The following ALAS2 variants were observed in gnomAD, a reference collection of about 807,000 sequenced individuals.
ALAS2 encodes 5-aminolevulinate synthase, erythroid-specific, mitochondrial.
ALAS2 carries 3 observed loss-of-function variants against 33.7 expected under a neutral mutation model. The ratio of observed to expected loss-of-function variants is 0.09; its 90% CI spans 0.04 to 0.23. The LOEUF (loss-of-function observed/expected upper bound fraction) is 0.23. Ranked by LOEUF, ALAS2 falls within the 10% of genes least tolerant of loss-of-function variation. The probability of loss-of-function intolerance (pLI) is 1.00; values close to 1 mark genes in which losing one functional copy is unlikely to be tolerated. For missense variants in ALAS2, 304 were observed against 475.1 expected (o/e 0.64, Z 3.35); for synonymous variants, 191 against 177.3 (o/e 1.08, Z -0.61).
At chrX:55,015,806 G>A (rs1935689021) in intron 7 of ALAS2, 64 bp from the exon 8 acceptor site, 1 of 1,153,976 alleles carries the variant, frequency 8.7e-7, no homozygotes, top group Non-Finnish European at 1.2e-6. Context: ...TCTCCAATGT[G>A]GAATTTCCCA....
intron 4 of ALAS2, among the ~76,000 whole-genome samples, chrX:55,022,499 CAATT>C (rs970369750): frequency 1.8e-5 from 2 of 111,678 alleles, no homozygotes; most frequent in African/African-American, 3.3e-5. Flanking sequence ...TTTCACCTAT[CAATT>C]GATAAAGATT....
intron 6 of ALAS2, among the ~76,000 whole-genome samples, chrX:55,019,402 G>C (rs1442625029): frequency 9.0e-6 from 1 of 111,580 alleles, no homozygotes; most frequent in Non-Finnish European, 1.9e-5. Context: ...TTGTGGCTGG[G>C]AGTCAAGGAC....
At position 55,015,638 on chromosome X, in the gene ALAS2, C is replaced by T; in HGVS notation, c.1108G>A (p.Ala370Thr). The T allele has an allele frequency of 1.7e-6, 2 of 1,211,322 alleles. No homozygotes were observed. The highest frequency in any genetic ancestry group is 2.2e-5 in the Admixed American group (1 of 46,007). Reference protein sequence around the residue: ...HAVGLYGSRGAGIGERDGIMH... With the variant: ...HAVGLYGSRGTGIGERDGIMH... ...ATTCCATCACGCTCCCCAATCCCAG[C>T]GCCCCGGGACCCATACAGTCCTACA... The change falls in exon 8 of 11, where the codon GCT becomes ACT. Residue 370 changes from alanine to threonine, a missense_variant. This residue lies in a region of ALAS2 where 138 missense variants were observed against 265.3 expected (regional missense o/e 0.52). Coordinates refer to ENST00000650242, the MANE Select transcript of ALAS2 (RefSeq NM_000032.5).
Position 55,015,656 on chromosome X carries a change from G to A in ALAS2, c.1090C>T (p.Leu364=). 1.7e-6 allele frequency: 2 copies of A among 1,211,396 alleles called. No homozygotes were observed. Among genetic ancestry groups the A allele is most frequent in the Non-Finnish European group, 2.2e-6 (2 of 895,309 alleles). The part of the protein sequence containing the change: ...TFVDEVHAVG[L]YGSRGAGIGE... ...ATCCCAGCGCCCCGGGACCCATACA[G>A]TCCTACAGCATGGACCTCATCCACG... The change falls in exon 8 of 11, where the codon CTG becomes TTG. Residue 364 remains leucine, a synonymous_variant. Coordinates refer to ENST00000650242, the MANE Select transcript of ALAS2 (RefSeq NM_000032.5).
At chrX:55,027,738 AC>A in intron 1 of ALAS2, 4 of 1,208,701 alleles carry the variant, frequency 3.3e-6, no homozygotes, top group Non-Finnish European at 4.5e-6. Flanking sequence ...TAGAACAAGC[AC>A]CCTCCCCGTA....
In ALAS2 at chrX:55,015,076, T is replaced by C. The variant is rs1248658429; in HGVS notation, c.1169-61A>G. On this transcript the variant is annotated intron_variant, in intron 8 of 10. Transcript: ENST00000650242. ...CATAATCAGTCCCAGAGCAACAGGATCATGTGCCAGATAACACAAGGGGGT... is the reference window on the plus strand; with the variant it reads ...CATAATCAGTCCCAGAGCAACAGGACCATGTGCCAGATAACACAAGGGGGT... 1.2e-5 allele frequency: 14 copies of C among 1,146,871 alleles called. No individual in the cohort carries two copies. The Admixed American group carries it at 3.4e-4, about 28-fold the overall frequency. The allele number at this position is 1,146,871 out of a possible 1,213,427, so 94.5% of individuals were successfully genotyped here. A position where few individuals can be genotyped will look rare whatever the true frequency, so the allele number is the denominator to read the frequency against.
At chrX:55,023,499 C>T (rs1244174772) in intron 4 of ALAS2, among the ~76,000 whole-genome samples, 2 of 110,734 alleles carry the variant, frequency 1.8e-5, no homozygotes, top group African/African-American at 6.6e-5. Context: ...TTTAATGAAG[C>T]CTCATTAGAA....
intron 9 of ALAS2, among the ~76,000 whole-genome samples, chrX:55,013,906 T>C (rs1569547787): frequency 9.0e-6 from 1 of 111,232 alleles, no homozygotes; most frequent in East Asian, 2.8e-4. Flanking sequence ...GCAAGCACAC[T>C]GATTTTACTT....
In ALAS2 at chrX:55,023,843, A is replaced by T; in HGVS notation, c.329T>A (p.Val110Asp). The T allele has an allele frequency of 8.3e-7, 1 of 1,210,314 alleles. No individual in the cohort carries two copies. The highest frequency in any genetic ancestry group is 3.0e-5 in the East Asian group (1 of 33,824). Residue 110 changes from valine to aspartate, a missense_variant, in exon 4 of 11, where the codon GTC becomes GAC. Around this residue, in one of 3 missense-constraint regions of ALAS2, gnomAD observed 71 missense variants for 82.8 expected, o/e 0.86. Coordinates refer to ENST00000650242, the MANE Select transcript of ALAS2 (RefSeq NM_000032.5). The stretch of plus-strand genomic sequence containing the variant: ...ACCGGAAAATGGCTTCCTTAGGCTG[A>T]CTGAGACCAGGGAGCTAGGCAGATC... The part of the protein sequence containing the change: ...KTDLPSSLVS[V>D]SLRKPFSGPQ...
rs776031925 is a variant in ALAS2 at position 55,015,780 on chromosome X, C to A, written c.1004-38G>T. Reference sequence around the variant, plus strand: ...AAGGGATAGAGGTAGGACATCATAACCCTTCCCCAGCTCCATCTCCAATGT... The same window carrying A: ...AAGGGATAGAGGTAGGACATCATAAACCTTCCCCAGCTCCATCTCCAATGT... On this transcript the variant is annotated intron_variant, in intron 7 of 10. Transcript: ENST00000650242. The A allele has an allele frequency of 2.5e-6, 3 of 1,196,424 alleles. No individual in the cohort carries two copies. The South Asian group carries it at 5.4e-5, about 21-fold the overall frequency.
intron 10 of ALAS2, among the ~76,000 whole-genome samples, chrX:55,013,115 C>T (rs1935630414): frequency 9.0e-6 from 1 of 111,693 alleles, no homozygotes; most frequent in African/African-American, 3.3e-5. Flanking sequence ...TGCCCTCTTT[C>T]TTTTAATACC....
intron 7 of ALAS2, among the ~76,000 whole-genome samples, chrX:55,016,311 A>T (rs752441577): frequency 9.0e-6 from 1 of 111,571 alleles, no homozygotes; most frequent in Non-Finnish European, 1.9e-5. Context: ...TACAAAAGGG[A>T]TAGGATAGTT....
chrX:55,025,711 A>C, intron 2 of ALAS2, 109 bp downstream of exon 2: 1 of 832,526 alleles, frequency 1.2e-6, no homozygotes, highest in Admixed American at 2.3e-5. Context: ...CTATCTTGAC[A>C]CTTTTCACAT....
intron 10 of ALAS2, 30 bp downstream of exon 10, chrX:55,013,456 G>T: frequency 8.4e-7 from 1 of 1,190,760 alleles, no homozygotes; most frequent in Non-Finnish European, 1.1e-6. Flanking sequence ...GGGGAGGGAG[G>T]TCCTGTAGGC....
At chrX:55,026,052 A>C in intron 1 of ALAS2, 37 bp from the exon 2 acceptor site, 9 of 1,163,460 alleles carry the variant, frequency 7.7e-6, no homozygotes, top group Non-Finnish European at 9.3e-6. Flanking sequence ...TTCCATCATG[A>C]GGGCCTGGCA....
intron 1 of ALAS2, 98 bp downstream of exon 1, chrX:55,030,844 A>C: frequency 4.8e-6 from 1 of 207,211 alleles, no homozygotes; most frequent in Non-Finnish European, 1.0e-5. Flanking sequence ...AACAAAGGAA[A>C]AAGTCAGATC....
chrX:55,021,003 T>G lies in ALAS2; in HGVS notation c.638+49A>C, dbSNP rs1306307521. On this transcript the variant is annotated intron_variant, in intron 5 of 10. Coordinates refer to ENST00000650242, the MANE Select transcript of ALAS2 (RefSeq NM_000032.5). ...GCCTTTTTTTTTTTTCCATGTGTGG[T>G]TTTTCATCTCCTCTGGCCACTGCTG... 2.6e-6 allele frequency: 3 copies of G among 1,137,619 alleles called. No individual in the cohort carries two copies. In the Admixed American group the frequency reaches 6.8e-5, roughly 26 times the overall value. The allele number at this position is 1,137,619 out of a possible 1,213,427, so 93.8% of individuals were successfully genotyped here.
At chrX:55,027,919 C>A in intron 1 of ALAS2, 1 of 648,127 alleles carries the variant, frequency 1.5e-6, no homozygotes, top group Non-Finnish European at 2.6e-6. Context: ...CAAGTTAAGC[C>A]TTTAGTATAG....
rs147996708 is a variant in ALAS2, at chrX:55,030,855, T to C, written c.-16+87A>G. 4.7e-3 allele frequency: 1,226 copies of C among 262,611 alleles called. 15 individuals carry two copies. Among genetic ancestry groups the C allele is most frequent in the African/African-American group, 0.032 (1,135 of 35,248 alleles). 21.6% of individuals were successfully genotyped at this position (262,611 alleles called of 1,213,427 possible). The stretch of plus-strand genomic sequence containing the variant: ...AACAAACAAAGGAAAAAGTCAGATC[T>C]ACTCAGACCAGAGAGTCAGTGTGTA... On this transcript the variant is annotated intron_variant, in intron 1 of 10. Coordinates refer to ENST00000650242, the MANE Select transcript of ALAS2 (RefSeq NM_000032.5).
Sources: gnomAD v4.1 joint callset for allele counts (sites outside exome capture counted in the v4.1 genomes callset) on GRCh38, gnomAD v4.1.1 for gene constraint, gnomAD v4.1.1 regional missense constraint, MANE v1.5 for transcripts, NCBI Gene and HGNC (gene_info 2026-07-23, HGNC 2026-07-21) for gene names.